Variants in COL26A1 observed in about 807,000 individuals in gnomAD.
The protein encoded by COL26A1 is collagen type XXVI alpha 1 chain, also known as collagen alpha-1(XXVI) chain.
COL26A1 carries 41 observed loss-of-function variants against 59.3 expected under a neutral mutation model. The ratio of observed to expected loss-of-function variants is 0.69; its 90% CI spans 0.54 to 0.90. COL26A1 has a LOEUF of 0.90. Ranked by LOEUF, COL26A1 falls within the 40% of genes least tolerant of loss-of-function variation. The probability of loss-of-function intolerance (pLI) is 0.00; values close to 1 mark genes in which losing one functional copy is unlikely to be tolerated. For synonymous variants in COL26A1, 266 were observed against 256.0 expected (o/e 1.04, Z -0.37); for missense variants, 612 against 602.3 (o/e 1.02, Z -0.17).
rs564733254 is a variant in COL26A1 at position 101,547,982 on chromosome 7, G to A, written c.940+743G>A. On this transcript the variant is annotated intron_variant, in intron 8 of 12. Transcript: ENST00000313669. ...AAACTCTCATTCTGGTGGAGGACAG[G>A]AATATCATCATAAATTGTGACTTCG... is the stretch of plus-strand genomic sequence containing the variant. Among the ~76,000 whole-genome samples, 131 of 152,302 alleles carry A rather than the reference G, an allele frequency of 8.6e-4. 1 individual carries two copies. Among genetic ancestry groups the A allele is most frequent in the African/African-American group, 3.1e-3 (128 of 41,568 alleles).
chr7:101,424,667 A>G (rs1792602217), intron 2 of COL26A1, among the ~76,000 whole-genome samples: 2 of 152,196 alleles, frequency 1.3e-5, no homozygotes, highest in Non-Finnish European at 2.9e-5. Flanking sequence ...GTAACTCATA[A>G]ATGAGCTAGA....
intron 3 of COL26A1, among the ~76,000 whole-genome samples, chr7:101,495,005 G>A (rs11766744): frequency 0.13 from 19,478 of 152,214 alleles, 1,286 homozygotes; most frequent in African/African-American, 0.13. Context: ...CCTGGCGAAA[G>A]GCAGCCTGAA....
rs73398924 is a variant in COL26A1 at position 101,467,362 on chromosome 7, G to C, written c.385+19575G>C. ...GGTTTCATGGCGAAATGCACAGGGCGGGGGGAGGATGGGGGGTGGTTTATA... is the reference window on the plus strand; with the variant it reads ...GGTTTCATGGCGAAATGCACAGGGCCGGGGGAGGATGGGGGGTGGTTTATA... On this transcript the variant is annotated intron_variant, in intron 3 of 12. Coordinates refer to ENST00000313669, the MANE Select transcript of COL26A1 (RefSeq NM_001278563.3). Among the ~76,000 whole-genome samples, 8 of 144,686 alleles carry C rather than the reference G, an allele frequency of 5.5e-5. No homozygotes were observed. The East Asian group carries it at 7.8e-4, about 14-fold the overall frequency. 94.9% of individuals were successfully genotyped at this position (144,686 alleles called of 152,430 possible). A position where few individuals can be genotyped will look rare whatever the true frequency, so the allele number is the denominator to read the frequency against.
At chr7:101,398,687 T>G (rs1428016984) in intron 1 of COL26A1, among the ~76,000 whole-genome samples, 1 of 152,148 alleles carries the variant, frequency 6.6e-6, no homozygotes, top group Non-Finnish European at 1.5e-5. Flanking sequence ...CCTGCTTCCT[T>G]GTCTGTACCT....
At chr7:101,469,333 GACACCACC>G (rs1157783945) in intron 3 of COL26A1, among the ~76,000 whole-genome samples, 5 of 152,062 alleles carry the variant, frequency 3.3e-5, no homozygotes, top group Non-Finnish European at 7.4e-5. Flanking sequence ...CCAATTCTCT[GACACCACC>G]ACCATTCCAT....
chr7:101,505,721 T>C lies in COL26A1; in HGVS notation c.386-27361T>C, dbSNP rs56785734. 9.8e-5 allele frequency among the ~76,000 whole-genome samples: 15 copies of C among 152,322 alleles called. No individual in the cohort carries two copies. In the East Asian group the frequency reaches 2.7e-3, roughly 27 times the overall value. ...GCTGATTAGATGGTGCCCACCCAGA[T>C]TGAGGGGGGTGGGGTCTGCCTTTCC... On this transcript the variant is annotated intron_variant, in intron 3 of 12. Transcript: ENST00000313669.
At chr7:101,399,366 C>T (rs1056729103) in intron 1 of COL26A1, among the ~76,000 whole-genome samples, 9 of 151,910 alleles carry the variant, frequency 5.9e-5, no homozygotes, top group African/African-American at 2.2e-4. Context: ...TCTCTCTCTT[C>T]TTTCTTTCTT....
intron 3 of COL26A1, among the ~76,000 whole-genome samples, chr7:101,455,255 G>A (rs1229514294): frequency 2.6e-5 from 4 of 151,794 alleles, no homozygotes; most frequent in Non-Finnish European, 5.9e-5. Flanking sequence ...TGTTGCCCAG[G>A]CTGGTCTCCA....
chr7:101,429,589 C>CCTTTCTTTTTTACTTTTTTT (rs1792729705), intron 2 of COL26A1, among the ~76,000 whole-genome samples: 1 of 78,700 alleles, frequency 1.3e-5, no homozygotes, highest in African/African-American at 5.2e-5. Flanking sequence ...TTCTTTTTTA[C>CCTTTCTTTTTTACTTTTTTT]TTTTTTTTTT....
At chr7:101,556,981 GTGGATGGATGGGTGGA>G (rs1356545748) in intron 12 of COL26A1, among the ~76,000 whole-genome samples, 2 of 139,302 alleles carry the variant, frequency 1.4e-5, no homozygotes, top group African/African-American at 5.4e-5. Flanking sequence ...GGATAAGTGA[GTGGATGGATGGGTGGA>G]TGGATGGATG....
At chr7:101,372,360 T>C (rs1305630144) in intron 1 of COL26A1, among the ~76,000 whole-genome samples, 1 of 152,030 alleles carries the variant, frequency 6.6e-6, no homozygotes, top group African/African-American at 2.4e-5. Flanking sequence ...GAGCTGGGGT[T>C]TCTCCACGTT....
chr7:101,518,179 C>T (rs1795070122), intron 3 of COL26A1, among the ~76,000 whole-genome samples: 1 of 152,146 alleles, frequency 6.6e-6, no homozygotes, highest in Admixed American at 6.5e-5. Flanking sequence ...GAGAACCTTG[C>T]CCGCATCTTG....
rs751262628 is a variant in COL26A1, at chr7:101,544,114, A to G, written c.703+18A>G. Reference sequence around the variant, plus strand: ...GCCGCCTGGTAAGAAAACCCCCCACATATGTGATGTTGTCAACCTGCGGAA... The same window carrying G: ...GCCGCCTGGTAAGAAAACCCCCCACGTATGTGATGTTGTCAACCTGCGGAA... On this transcript the variant is annotated intron_variant, in intron 6 of 12. Coordinates refer to ENST00000313669, the MANE Select transcript of COL26A1 (RefSeq NM_001278563.3). The G allele has an allele frequency of 1.4e-5, 22 of 1,571,984 alleles. No homozygotes were observed. In the Admixed American group the frequency reaches 2.1e-4, roughly 15 times the overall value.
At chr7:101,388,540 C>T (rs1426107112) in intron 1 of COL26A1, among the ~76,000 whole-genome samples, 2 of 151,760 alleles carry the variant, frequency 1.3e-5, no homozygotes, top group Non-Finnish European at 2.9e-5. Context: ...TTCTGTCCTC[C>T]CCTGGCCCCT....
chr7:101,549,935 A>G (rs959988038), intron 9 of COL26A1, among the ~76,000 whole-genome samples: 4 of 152,076 alleles, frequency 2.6e-5, no homozygotes, highest in African/African-American at 9.7e-5. Context: ...TCAGCCCCTA[A>G]CCCCAGGTTC....
chr7:101,458,345 G>A (rs1793526812), intron 3 of COL26A1, among the ~76,000 whole-genome samples: 1 of 152,084 alleles, frequency 6.6e-6, no homozygotes, highest in Non-Finnish European at 1.5e-5. Flanking sequence ...CCTGTGAAAT[G>A]GTACTTTAGG....
intron 3 of COL26A1, among the ~76,000 whole-genome samples, chr7:101,449,614 A>G (rs1031061835): frequency 6.6e-6 from 1 of 151,590 alleles, no homozygotes; most frequent in Non-Finnish European, 1.5e-5. Flanking sequence ...ACTAAAATAT[A>G]CAAAAATTAG....
chr7:101,453,562 G>C (rs1793396670), intron 3 of COL26A1, among the ~76,000 whole-genome samples: 1 of 152,068 alleles, frequency 6.6e-6, no homozygotes, highest in African/African-American at 2.4e-5. Context: ...AAGCCTTCTG[G>C]GCTTCAAGCA....
chr7:101,450,512 G>GGCA (rs1431101909), intron 3 of COL26A1, among the ~76,000 whole-genome samples: 4 of 152,096 alleles, frequency 2.6e-5, no homozygotes, highest in Non-Finnish European at 4.4e-5. Context: ...TCCCCAGGTA[G>GGCA]GCAGATACTG....
Sources: allele counts gnomAD v4.1 joint callset (sites outside exome capture counted in the v4.1 genomes callset), GRCh38; gene constraint gnomAD v4.1.1; transcripts MANE v1.5; gene names NCBI Gene and HGNC (gene_info 2026-07-23, HGNC 2026-07-21).